The following ATG2A variants were observed in gnomAD, a reference collection of about 807,000 sequenced individuals.
ATG2A encodes the protein autophagy-related protein 2 homolog A.
A neutral mutation model predicts 214.2 loss-of-function variants in ATG2A; 103 were observed. That is an observed-to-expected ratio of 0.48 (90% CI 0.41 to 0.57). The LOEUF (loss-of-function observed/expected upper bound fraction) is 0.57. Among genes scored for constraint, ATG2A ranks in the 20% least tolerant of loss-of-function variants. ATG2A has a pLI of 0.00. For synonymous variants in ATG2A, 1,160 were observed against 1,142.1 expected, an observed-to-expected ratio of 1.02 and a Z score of -0.32; for missense variants, 2,312 against 2,613.2, an observed-to-expected ratio of 0.88 and a Z score of 2.51.
rs375025102 is a variant in ATG2A, at chr11:64,900,484, C to T, written c.4464+10G>A. 5.6e-5 allele frequency: 90 copies of T among 1,613,290 alleles called. No homozygotes were observed. Among genetic ancestry groups the T allele is most frequent in the Admixed American group, 6.7e-5 (4 of 60,022 alleles). ...ACACACGTGTAGTAGGCACTCGCCA[C>T]CCCACTCACCTTGCTCAGCTGGATC... On this transcript the variant is annotated intron_variant, in intron 31 of 40. Transcript: ENST00000377264.
intron 1 of ATG2A, among the ~76,000 whole-genome samples, chr11:64,916,091 G>A (rs891073151): frequency 6.6e-6 from 1 of 152,164 alleles, no homozygotes; most frequent in Non-Finnish European, 1.5e-5. Flanking sequence ...CTGGTGGATC[G>A]ACCAGGACGC....
chr11:64,903,719 G>A lies in ATG2A; in HGVS notation c.3465-59C>T, dbSNP rs1944442387. The A allele has an allele frequency of 1.3e-6, 2 of 1,493,400 alleles. No individual in the cohort carries two copies. Among genetic ancestry groups the A allele is most frequent in the South Asian group, 1.2e-5 (1 of 80,178 alleles). 92.5% of individuals were successfully genotyped at this position (1,493,400 alleles called of 1,614,324 possible). On this transcript the variant is annotated intron_variant, in intron 24 of 40. Coordinates refer to ENST00000377264, the MANE Select transcript of ATG2A (RefSeq NM_015104.3). The surrounding 1 kb of genome is among the most constrained non-coding windows in gnomAD (Gnocchi z 4.2). The stretch of plus-strand genomic sequence containing the variant: ...ACCGCTGCAGGGGGCAGCTCCACGG[G>A]AGCCGAGCAGAGGGGTCCCAAGCCC...
At position 64,913,823 on chromosome 11, in the gene ATG2A, C is replaced by G; in HGVS notation, c.588G>C (p.Gln196His). The G allele has an allele frequency of 6.2e-7, 1 of 1,613,040 alleles. No individual in the cohort carries two copies. The highest frequency in any genetic ancestry group is 2.2e-5 in the East Asian group (1 of 44,872). Residue 196 changes from glutamine to histidine, a missense_variant and splice_region_variant, in exon 4 of 41, where the codon CAG (glutamine) becomes CAC (histidine). Physicochemically the swap from Gln to His is conservative, Grantham distance 24. Coordinates refer to ENST00000377264, the MANE Select transcript of ATG2A (RefSeq NM_015104.3). The surrounding 1 kb of genome is among the most constrained non-coding windows in gnomAD (Gnocchi z 4.3). ...ACCCCAGATCGGCCTGCCCTTACCT[C>G]TGCACACGGACCTCGACGGCCACAC... ...ERGVAVEVRV[Q>H]RLEYCDEAVR...
chr11:64,914,590 G>T, intron 1 of ATG2A, 90 bp from the exon 2 acceptor site: 1 of 1,485,588 alleles, frequency 6.7e-7, no homozygotes, highest in Non-Finnish European at 9.1e-7. Flanking sequence ...GCCTTGGAGA[G>T]CACCCTTGGC....
At position 64,907,650 on chromosome 11, in the gene ATG2A, A is replaced by T. The variant is rs961943308; in HGVS notation, c.2522T>A (p.Leu841Gln). 2 of 1,599,666 alleles carry T rather than the reference A, an allele frequency of 1.3e-6. No homozygotes were observed. Among genetic ancestry groups the T allele is most frequent in the Non-Finnish European group, 1.7e-6 (2 of 1,172,750 alleles). ...CAGATCTGCAGGCTCCCACATGAGCAGGTCGTTGTTGATCCTGAGATAGGC... is the reference window on the plus strand; with the variant it reads ...CAGATCTGCAGGCTCCCACATGAGCTGGTCGTTGTTGATCCTGAGATAGGC... ...ESIYNRINND[L>Q]LMWEPADLLP... The change falls in exon 18 of 41, where the codon CTG (leucine) becomes CAG (glutamine). Residue 841 changes from leucine to glutamine, a missense_variant. Physicochemically the swap from Leu to Gln is moderately radical, Grantham distance 113. Transcript: ENST00000377264.
Position 64,906,136 on chromosome 11 carries a change from G to C in ATG2A, c.3241C>G (p.Pro1081Ala), listed in dbSNP as rs867790216. 2 of 1,593,270 alleles carry C rather than the reference G, an allele frequency of 1.3e-6. No individual in the cohort carries two copies. Among genetic ancestry groups the C allele is most frequent in the Non-Finnish European group, 1.7e-6 (2 of 1,170,126 alleles). Residue 1081 changes from proline (P) to alanine (A), a missense_variant, in exon 22 of 41, where the codon CCC (proline) becomes GCC (alanine). Coordinates refer to ENST00000377264, the MANE Select transcript of ATG2A (RefSeq NM_015104.3). ...KATLRHYMAL[P>A]EQSWHSQLLE... is the part of the protein sequence containing the mutation. ...ACCTGGGAATGCCAGCTCTGCTCGG[G>C]CAGGGCCATGTAGTGGCGCAAGGTG...
Position 64,903,596 on chromosome 11 carries a change from G to T in ATG2A, c.3529C>A (p.Arg1177=), listed in dbSNP as rs543237129. 12 of 1,548,056 alleles carry T rather than the reference G, an allele frequency of 7.8e-6. No individual in the cohort carries two copies. The highest frequency in any genetic ancestry group is 9.6e-6 in the Non-Finnish European group (11 of 1,145,136). Residue 1177 remains arginine, a synonymous_variant, in exon 25 of 41, where the codon CGG becomes AGG. Transcript: ENST00000377264. This position sits in a 1 kb window ranked among gnomAD's most constrained non-coding sequence, Gnocchi z 4.2. Reference sequence around the variant, plus strand: ...CAGTCCCGGCCCTGCCCACCTCGCCGCAGGTCCAGGGTCTCCACCTCACAC... The same window carrying T: ...CAGTCCCGGCCCTGCCCACCTCGCCTCAGGTCCAGGGTCTCCACCTCACAC... ...DKCEVETLDL[R]RDYVCVLDVD... is the part of the protein sequence containing the mutation.
rs144122454 is a variant in ATG2A, at chr11:64,898,343, T to C, written c.4691A>G (p.His1564Arg). 8.1e-6 allele frequency: 13 copies of C among 1,606,282 alleles called. No individual in the cohort carries two copies. Among genetic ancestry groups the C allele is most frequent in the Non-Finnish European group, 1.1e-5 (13 of 1,177,480 alleles). Reference sequence around the variant, plus strand: ...ACCCAGGTTGGTAGTGGGGGCCACATGCAGCGCTTTGATGGTGAGCTGGGA... The same window carrying C: ...ACCCAGGTTGGTAGTGGGGGCCACACGCAGCGCTTTGATGGTGAGCTGGGA... ...HSNMLTIKAL[H>R]VAPTTNLGGP... The change falls in exon 33 of 41, where the codon CAT (histidine) becomes CGT (arginine). Residue 1564 changes from histidine (H) to arginine (R), a missense_variant. Coordinates refer to ENST00000377264, the MANE Select transcript of ATG2A (RefSeq NM_015104.3). This position sits in a 1 kb window ranked among gnomAD's most constrained non-coding sequence, Gnocchi z 4.5.
intron 8 of ATG2A, 47 bp downstream of exon 8, chr11:64,912,038 C>T (rs1397532994): frequency 6.2e-7 from 1 of 1,612,766 alleles, no homozygotes; most frequent in Non-Finnish European, 8.5e-7. Flanking sequence ...TAGGCTGCTG[C>T]ACCCACACTA....
Position 64,907,651 on chromosome 11 carries a change from GGTC to G in ATG2A, c.2518_2520del (p.Asp840del). 6.3e-7 allele frequency: 1 copy of G among 1,599,774 alleles called. No homozygotes were observed. The highest frequency in any genetic ancestry group is 8.5e-7 in the Non-Finnish European group (1 of 1,172,836). On this transcript the variant is annotated inframe_deletion, in exon 18 of 41. Transcript: ENST00000377264. ...AGATCTGCAGGCTCCCACATGAGCA[GGTC>G]GTTGTTGATCCTGAGATAGGCGGGT... is the stretch of plus-strand genomic sequence containing the variant.
chr11:64,896,915 C>A (rs756055733), intron 37 of ATG2A, 46 bp from the exon 38 acceptor site: 1 of 1,605,180 alleles, frequency 6.2e-7, no homozygotes, highest in Admixed American at 1.7e-5. Flanking sequence ...GGCAGAGCCA[C>A]ACATGGAGGG....
Position 64,913,030 on chromosome 11 carries a change from G to A in ATG2A, c.825+8C>T. On this transcript the variant is annotated splice_region_variant and intron_variant, in intron 6 of 40. Transcript: ENST00000377264. This position sits in a 1 kb window ranked among gnomAD's most constrained non-coding sequence, Gnocchi z 4.3. Reference sequence around the variant, plus strand: ...ACTCACCCCCTCCCCAGGGGCCTGGGGACCCACCTTGGGGCCAGGGAAGGC... The same window carrying A: ...ACTCACCCCCTCCCCAGGGGCCTGGAGACCCACCTTGGGGCCAGGGAAGGC... The A allele has an allele frequency of 6.5e-7, 1 of 1,543,334 alleles. No homozygotes were observed.
rs187066209 is a variant in ATG2A at position 64,898,741 on chromosome 11, G to T, written c.4566C>A (p.Ile1522=). 2 of 1,614,078 alleles carry T rather than the reference G, an allele frequency of 1.2e-6. No homozygotes were observed. Among genetic ancestry groups the T allele is most frequent in the East Asian group, 2.2e-5 (1 of 44,874 alleles). The change falls in exon 32 of 41, where the codon ATC becomes ATA. Residue 1522 remains isoleucine, a synonymous_variant. Transcript: ENST00000377264. This position sits in a 1 kb window ranked among gnomAD's most constrained non-coding sequence, Gnocchi z 4.5. ...GGTCTCGGACCTCCAGCTCCTGCAC[G>T]ATGAACACCTGACGGGACAGCGGTC... is the stretch of plus-strand genomic sequence containing the variant. ...EERPLSRQVF[I]VQELEVRDRL...
At position 64,913,949 on chromosome 11, in the gene ATG2A, G is replaced by A; in HGVS notation, c.488-26C>T. 6.2e-6 allele frequency: 10 copies of A among 1,611,060 alleles called. No individual in the cohort carries two copies. The highest frequency in any genetic ancestry group is 8.5e-6 in the Non-Finnish European group (10 of 1,178,162). On this transcript the variant is annotated intron_variant, in intron 3 of 40. Coordinates refer to ENST00000377264, the MANE Select transcript of ATG2A (RefSeq NM_015104.3). The surrounding 1 kb of genome is among the most constrained non-coding windows in gnomAD (Gnocchi z 4.3). ...CTGAGGAGTTGGGGAGGGGTCTCAG[G>A]TCAGGTAGAGCAGCAAAGGGGAGGC...
Position 64,913,131 on chromosome 11 carries a change from C to T in ATG2A, c.732G>A (p.Glu244=), listed in dbSNP as rs570958352. ...LHYEELPAQE[E]PPEPPLQIGS... is the part of the protein sequence containing the mutation. ...CGATCTGCAAGGGGGGCTCTGGAGG[C>T]TCTTCCTGGGAGACGGGAGGATACA... The change falls in exon 6 of 41, where the codon GAG becomes GAA. Residue 244 remains glutamate, a synonymous_variant. Transcript: ENST00000377264. The surrounding 1 kb of genome is among the most constrained non-coding windows in gnomAD (Gnocchi z 4.3). 12 of 1,581,112 alleles carry T rather than the reference C, an allele frequency of 7.6e-6. No individual in the cohort carries two copies. The East Asian group carries it at 2.0e-4, about 27-fold the overall frequency.
rs767404698 is a variant in ATG2A at position 64,902,086 on chromosome 11, C to A, written c.3995G>T (p.Gly1332Val). The change falls in exon 29 of 41, where the codon GGC becomes GTC. Residue 1332 changes from glycine (G) to valine (V), a missense_variant. Physicochemically the swap from Gly to Val is moderately radical, Grantham distance 109 (BLOSUM62 -3). Transcript: ENST00000377264. Reference protein sequence around the residue: ...GAPPPSPPVGGPAGSLGSCSE... With the variant: ...GAPPPSPPVGVPAGSLGSCSE... Reference sequence around the variant, plus strand: ...GCATGACCCTAAGCTGCCAGCAGGGCCCCCGACAGGTGGTGAAGGGGGTGG... The same window carrying A: ...GCATGACCCTAAGCTGCCAGCAGGGACCCCGACAGGTGGTGAAGGGGGTGG... 8.7e-6 allele frequency: 14 copies of A among 1,613,818 alleles called. No individual in the cohort carries two copies. Among genetic ancestry groups the A allele is most frequent in the Non-Finnish European group, 1.2e-5 (14 of 1,180,026 alleles).
intron 31 of ATG2A, among the ~76,000 whole-genome samples, chr11:64,900,117 C>T (rs1427680406): frequency 6.7e-6 from 1 of 150,084 alleles, no homozygotes; most frequent in Non-Finnish European, 1.5e-5. Flanking sequence ...CTGCTCTCTT[C>T]GGCCTTCCAA....
Position 64,900,936 on chromosome 11 carries a change from G to A in ATG2A, c.4276C>T (p.Leu1426Phe). ...STRVVLREVS[L>F]VWHLYGGRDF... ...CGGCCCCCATAGAGGTGCCAGACGA[G>A]GGAGACCTCACGTAGCACCACCCGA... Residue 1426 changes from leucine to phenylalanine, a missense_variant, in exon 30 of 41, where the codon CTC (leucine) becomes TTC (phenylalanine). By Grantham distance (22) the Leu-to-Phe change is conservative. Transcript: ENST00000377264. 1 of 1,578,482 alleles carries A rather than the reference G, an allele frequency of 6.3e-7. No individual in the cohort carries two copies.
At position 64,898,386 on chromosome 11, in the gene ATG2A, G is replaced by T; in HGVS notation, c.4672-24C>A. 1 of 1,558,828 alleles carries T rather than the reference G, an allele frequency of 6.4e-7. No individual in the cohort carries two copies. ...AGCTGGGAGCAGAGGGTGAGTTCTG[G>T]ACACCTGCTGGGCCTCTGGGGCAGC... On this transcript the variant is annotated intron_variant, in intron 32 of 40. Coordinates refer to ENST00000377264, the MANE Select transcript of ATG2A (RefSeq NM_015104.3). The surrounding 1 kb of genome is among the most constrained non-coding windows in gnomAD (Gnocchi z 4.5).
Sources: gnomAD v4.1 joint callset for allele counts (sites outside exome capture counted in the v4.1 genomes callset) on GRCh38, gnomAD v4.1.1 for gene constraint, Gnocchi (gnomAD v3.1) non-coding constraint, MANE v1.5 for transcripts, NCBI Gene and HGNC (gene_info 2026-07-23, HGNC 2026-07-21) for gene names.